GRB2: variants seen among roughly 807,000 people sequenced by gnomAD.
The protein encoded by GRB2 is growth factor receptor bound protein 2.
Under a neutral mutation model 27.4 loss-of-function variants are expected in GRB2, and 2 were observed. The observed-to-expected ratio is 0.07, with a 90% CI of 0.03 to 0.23. The LOEUF is 0.23. Among genes scored for constraint, GRB2 ranks in the 10% least tolerant of loss-of-function variants. The pLI, the probability that GRB2 is intolerant of heterozygous loss-of-function variation, is 1.00. For missense variants in GRB2, 102 were observed against 282.4 expected (o/e 0.36, Z 4.58); for synonymous variants, 94 against 99.6 (o/e 0.94, Z 0.33).
chr17:75,384,767 T>C (rs1369507990), intron 2 of GRB2, among the ~76,000 whole-genome samples: 4 of 151,970 alleles, frequency 2.6e-5, no homozygotes, highest in Non-Finnish European at 4.4e-5. Context: ...GAAATTCAGT[T>C]ACTTGGAGAC....
chr17:75,324,883 C>A (rs2078488340), intron 4 of GRB2, among the ~76,000 whole-genome samples: 2 of 152,054 alleles, frequency 1.3e-5, no homozygotes, highest in South Asian at 4.2e-4. Flanking sequence ...CAAGACCAGC[C>A]TGGCCAATAT....
At chr17:75,387,987 T>C (rs534354934) in intron 2 of GRB2, among the ~76,000 whole-genome samples, 1 of 152,290 alleles carries the variant, frequency 6.6e-6, no homozygotes, top group African/African-American at 2.4e-5. Context: ...GAAAGTTCAT[T>C]CTCAGCACCT....
chr17:75,376,121 T>C (rs535576975), intron 2 of GRB2, among the ~76,000 whole-genome samples: 169 of 151,362 alleles, frequency 1.1e-3, no homozygotes, highest in African/African-American at 3.8e-3. Flanking sequence ...GGCAGGCGGA[T>C]TGGCTGAGCT....
intron 2 of GRB2, among the ~76,000 whole-genome samples, chr17:75,388,595 A>G: frequency 2.1e-5 from 3 of 145,800 alleles, no homozygotes; most frequent in African/African-American, 7.6e-5. Context: ...GGGGGGGGGA[A>G]GAAAAACACT....
chr17:75,368,641 C>T (rs1220706553), intron 2 of GRB2, among the ~76,000 whole-genome samples: 2 of 151,552 alleles, frequency 1.3e-5, no homozygotes, highest in Middle Eastern at 3.4e-3. Context: ...CTCAAATGAT[C>T]CTCCCAGATC....
At chr17:75,363,513 T>C (rs1285893377) in intron 2 of GRB2, among the ~76,000 whole-genome samples, 1 of 152,216 alleles carries the variant, frequency 6.6e-6, no homozygotes, top group Non-Finnish European at 1.5e-5. Context: ...CAAAATGCTT[T>C]ACTAAGTCTC....
chr17:75,383,049 G>A (rs903282276), intron 2 of GRB2, among the ~76,000 whole-genome samples: 1 of 151,468 alleles, frequency 6.6e-6, no homozygotes, highest in Non-Finnish European at 1.5e-5. Flanking sequence ...GGAAAAACAC[G>A]CCTATTCTCA....
At chr17:75,345,209 A>C (rs1030129325) in intron 2 of GRB2, among the ~76,000 whole-genome samples, 3 of 151,244 alleles carry the variant, frequency 2.0e-5, no homozygotes, top group African/African-American at 7.3e-5. Flanking sequence ...CGCCTGGCTA[A>C]TTTTTTTTGT....
intron 2 of GRB2, chr17:75,387,570 G>T (rs1416131856): frequency 6.6e-6 from 1 of 152,116 alleles, no homozygotes; most frequent in African/African-American, 2.4e-5. Context: ...GCCGAGGCAG[G>T]TGGATCATTT....
chr17:75,336,929 G>A (rs544605615), intron 2 of GRB2, among the ~76,000 whole-genome samples: 2 of 152,240 alleles, frequency 1.3e-5, no homozygotes, highest in South Asian at 4.1e-4. Context: ...GCAGACACGG[G>A]ATTTCACCAT....
intron 2 of GRB2, among the ~76,000 whole-genome samples, chr17:75,384,245 G>C (rs1323529172): frequency 6.6e-6 from 1 of 152,174 alleles, no homozygotes; most frequent in African/African-American, 2.4e-5. Flanking sequence ...TTTAAAATCA[G>C]GTTAAATCTC....
chr17:75,324,251 G>A (rs1381222412), intron 4 of GRB2, among the ~76,000 whole-genome samples: 2 of 151,856 alleles, frequency 1.3e-5, no homozygotes, highest in African/African-American at 4.8e-5. Context: ...TCAGGCTGGA[G>A]TGTAGTGGCA....
intron 2 of GRB2, among the ~76,000 whole-genome samples, chr17:75,341,820 T>C (rs2078623477): frequency 6.6e-6 from 1 of 152,072 alleles, no homozygotes; most frequent in Non-Finnish European, 1.5e-5. Flanking sequence ...ACCCACCAAA[T>C]GTCCAGGCAA....
intron 1 of GRB2, among the ~76,000 whole-genome samples, chr17:75,398,581 C>T (rs1008224385): frequency 5.3e-5 from 8 of 151,766 alleles, no homozygotes; most frequent in Non-Finnish European, 8.8e-5. Context: ...TTACCCTACC[C>T]GGTGTCCACT....
chr17:75,341,429 G>T, intron 2 of GRB2, among the ~76,000 whole-genome samples: 1 of 137,618 alleles, frequency 7.3e-6, no homozygotes, highest in Non-Finnish European at 1.6e-5. Context: ...TCTAGCCTGG[G>T]TGACAGAGTG....
At chr17:75,388,227 G>T (rs991875682) in intron 2 of GRB2, among the ~76,000 whole-genome samples, 4 of 151,934 alleles carry the variant, frequency 2.6e-5, no homozygotes, top group African/African-American at 9.7e-5. Flanking sequence ...CTCCCGAGTA[G>T]CTGGGATTAC....
Position 75,393,632 on chromosome 17 carries a change from G to C in GRB2, c.-4C>G. Reference sequence around the variant, plus strand: ...CATATTTGGCGATGGCTTCCATTCTGAGCGCTGCTCAGTGCTCAGCAGCCT... The same window carrying C: ...CATATTTGGCGATGGCTTCCATTCTCAGCGCTGCTCAGTGCTCAGCAGCCT... On this transcript the variant is annotated 5_prime_UTR_variant, in exon 2 of 6. Coordinates refer to ENST00000316804, the MANE Select transcript of GRB2 (RefSeq NM_002086.5). 1.9e-6 allele frequency: 3 copies of C among 1,613,502 alleles called. No individual in the cohort carries two copies. Among genetic ancestry groups the C allele is most frequent in the Non-Finnish European group, 2.5e-6 (3 of 1,179,482 alleles).
intron 2 of GRB2, among the ~76,000 whole-genome samples, chr17:75,348,725 A>T (rs985171845): frequency 6.6e-6 from 1 of 152,176 alleles, no homozygotes; most frequent in African/African-American, 2.4e-5. Flanking sequence ...CCCAGGCTAG[A>T]CAATGCAGTG....
intron 2 of GRB2, among the ~76,000 whole-genome samples, chr17:75,351,807 A>G (rs1377233630): frequency 6.6e-6 from 1 of 152,250 alleles, no homozygotes; most frequent in Non-Finnish European, 1.5e-5. Flanking sequence ...CAGCTACACC[A>G]AACTGCTCAT....
Sources: gnomAD v4.1 joint callset for allele counts (sites outside exome capture counted in the v4.1 genomes callset) on GRCh38, gnomAD v4.1.1 for gene constraint, MANE v1.5 for transcripts, NCBI Gene and HGNC (gene_info 2026-07-23, HGNC 2026-07-21) for gene names.